SORCS1: variants seen among roughly 807,000 people sequenced by gnomAD.
The protein encoded by SORCS1 is VPS10 domain-containing receptor SorCS1.
A neutral mutation model predicts 146.1 loss-of-function variants in SORCS1; 60 were observed. The observed-to-expected ratio is 0.41, with a 90% confidence interval of 0.33 to 0.51. SORCS1 has a LOEUF of 0.51. Among genes scored for constraint, SORCS1 ranks in the 20% least tolerant of loss-of-function variants. The pLI is 0.21. For missense variants in SORCS1, 1,352 were observed against 1,487.6 expected, an observed-to-expected ratio of 0.91 and a Z score of 1.50; for synonymous variants, 637 against 584.0, an observed-to-expected ratio of 1.09 and a Z score of -1.31.
At chr10:106,959,243 G>A (rs1205642142) in intron 1 of SORCS1, among the ~76,000 whole-genome samples, 1 of 152,148 alleles carries the variant, frequency 6.6e-6, no homozygotes, top group Non-Finnish European at 1.5e-5. Flanking sequence ...CACTCAGGCA[G>A]TTTATCAACA....
At chr10:106,985,739 G>A (rs1956442238) in intron 1 of SORCS1, among the ~76,000 whole-genome samples, 1 of 151,960 alleles carries the variant, frequency 6.6e-6, no homozygotes, top group South Asian at 2.1e-4. Flanking sequence ...GTTTCACCAT[G>A]TTGGCCAGGA....
chr10:106,983,838 A>G (rs1956338873), intron 1 of SORCS1, among the ~76,000 whole-genome samples: 1 of 152,214 alleles, frequency 6.6e-6, no homozygotes, highest in South Asian at 2.1e-4. Flanking sequence ...CCTAAACCGT[A>G]GCAATTGTGG....
intron 3 of SORCS1, among the ~76,000 whole-genome samples, chr10:106,788,857 G>A (rs745441296): frequency 3.9e-5 from 6 of 152,218 alleles, no homozygotes; most frequent in Non-Finnish European, 7.3e-5. Flanking sequence ...CAGTGCCCCA[G>A]TGGGCACTCT....
intron 1 of SORCS1, among the ~76,000 whole-genome samples, chr10:107,084,013 A>G (rs1963551571): frequency 6.6e-6 from 1 of 152,158 alleles, no homozygotes; most frequent in Non-Finnish European, 1.5e-5. Context: ...GTATTCACCT[A>G]AAACTATACA....
intron 25 of SORCS1, chr10:106,578,863 C>A: frequency 7.3e-7 from 1 of 1,374,828 alleles, no homozygotes; most frequent in Non-Finnish European, 9.4e-7. Context: ...GAGGGTTTTG[C>A]AAAAGGAGGA....
At chr10:106,862,179 A>G (rs1275268030) in intron 2 of SORCS1, among the ~76,000 whole-genome samples, 6 of 152,188 alleles carry the variant, frequency 3.9e-5, no homozygotes, top group Non-Finnish European at 4.4e-5. Flanking sequence ...AGTGAAACCT[A>G]TTACACACGT....
chr10:107,124,882 A>C (rs758239748), intron 1 of SORCS1, among the ~76,000 whole-genome samples: 1 of 151,892 alleles, frequency 6.6e-6, no homozygotes, highest in Non-Finnish European at 1.5e-5. Flanking sequence ...GCAAAATGCA[A>C]TTGTGGAAAG....
intron 3 of SORCS1, among the ~76,000 whole-genome samples, chr10:106,815,159 A>G (rs1015295080): frequency 2.0e-5 from 3 of 151,756 alleles, no homozygotes; most frequent in African/African-American, 7.3e-5. Flanking sequence ...GGGTTTCTCC[A>G]TGTTGGTCAG....
intron 18 of SORCS1, among the ~76,000 whole-genome samples, chr10:106,642,948 A>G (rs1849169054): frequency 6.6e-6 from 1 of 152,214 alleles, no homozygotes; most frequent in Admixed American, 6.5e-5. Flanking sequence ...GGCTTTGGTC[A>G]TTGATGATTT....
chr10:106,741,817 T>C (rs1022439425), intron 5 of SORCS1, among the ~76,000 whole-genome samples: 5 of 152,224 alleles, frequency 3.3e-5, no homozygotes, highest in Admixed American at 2.0e-4. Context: ...TGAAGGTGGC[T>C]TTTTTGCAGT....
chr10:106,627,068 G>T (rs982129323), intron 19 of SORCS1, among the ~76,000 whole-genome samples: 1 of 152,150 alleles, frequency 6.6e-6, no homozygotes, highest in South Asian at 2.1e-4. Context: ...AAGGGTTTCC[G>T]CAGCCCTTAA....
At chr10:107,037,609 G>A (rs1411103003) in intron 1 of SORCS1, among the ~76,000 whole-genome samples, 1 of 152,202 alleles carries the variant, frequency 6.6e-6, no homozygotes, top group African/African-American at 2.4e-5. Context: ...GAAACTTGGT[G>A]CAATTTTCAG....
At chr10:106,950,693 G>T (rs990317895) in intron 2 of SORCS1, among the ~76,000 whole-genome samples, 2 of 151,838 alleles carry the variant, frequency 1.3e-5, no homozygotes, top group Admixed American at 6.6e-5. Flanking sequence ...TGCTTGTTTG[G>T]GTATAGAAAG....
chr10:106,890,296 C>T (rs902449906), intron 2 of SORCS1, among the ~76,000 whole-genome samples: 2 of 152,112 alleles, frequency 1.3e-5, no homozygotes, highest in African/African-American at 2.4e-5. Context: ...AAAGATTGAA[C>T]CTTTTTTTCT....
intron 3 of SORCS1, among the ~76,000 whole-genome samples, chr10:106,817,299 A>G (rs953128118): frequency 1.3e-5 from 2 of 152,192 alleles, no homozygotes; most frequent in African/African-American, 2.4e-5. Flanking sequence ...TGAAATCTGG[A>G]TGCTGATGGG....
intron 4 of SORCS1, among the ~76,000 whole-genome samples, chr10:106,769,649 G>A (rs571171006): frequency 5.3e-5 from 8 of 152,240 alleles, no homozygotes; most frequent in African/African-American, 1.9e-4. Flanking sequence ...ACTAAAATTA[G>A]TTCTTTTTTA....
At chr10:107,138,422 TAC>T (rs888256621) in intron 1 of SORCS1, among the ~76,000 whole-genome samples, 3 of 152,202 alleles carry the variant, frequency 2.0e-5, no homozygotes, top group Non-Finnish European at 4.4e-5. Flanking sequence ...ATCCTTTTCA[TAC>T]ACAGTTTTTC....
intron 10 of SORCS1, among the ~76,000 whole-genome samples, chr10:106,683,247 C>A (rs1852578240): frequency 6.6e-6 from 1 of 152,198 alleles, no homozygotes; most frequent in South Asian, 2.1e-4. Context: ...CTGAATTTAA[C>A]TGATCCATTA....
rs1039248525 is a variant in SORCS1, at chr10:106,688,050, A to T, written c.1560+142T>A. ...CACTAGGCAGTGCTGTGAGTTTTCT[A>T]CACCCTTTGCCTTCACGCCCTTCCC... On this transcript the variant is annotated intron_variant, in intron 10 of 25. Transcript: ENST00000263054. 4.4e-5 allele frequency: 49 copies of T among 1,116,336 alleles called. No individual in the cohort carries two copies. In the African/African-American group the frequency reaches 6.8e-4, roughly 16 times the overall value. The allele number at this position is 1,116,336 out of a possible 1,614,324, so 69.2% of individuals were successfully genotyped here.
Sources: gnomAD v4.1 joint callset for allele counts (sites outside exome capture counted in the v4.1 genomes callset) on GRCh38, gnomAD v4.1.1 for gene constraint, MANE v1.5 for transcripts, NCBI Gene and HGNC (gene_info 2026-07-23, HGNC 2026-07-21) for gene names.